Variants in DGKG observed in about 807,000 individuals in gnomAD.
DGKG encodes the protein diacylglycerol kinase gamma, also known as DAG kinase gamma.
A neutral mutation model predicts 105.3 loss-of-function variants in DGKG; 78 were observed. That is an observed-to-expected ratio of 0.74 (90% CI 0.62 to 0.89). The LOEUF is 0.89. DGKG is among the 40% of genes least tolerant of loss of function. The pLI, the probability that DGKG is intolerant of heterozygous loss-of-function variation, is 0.00. For synonymous variants in DGKG, 346 were observed against 367.1 expected, an observed-to-expected ratio of 0.94 and a Z score of 0.66; for missense variants, 958 against 1,020.1, an observed-to-expected ratio of 0.94 and a Z score of 0.83.
At chr3:186,167,983 G>T (rs753044029) in intron 22 of DGKG, among the ~76,000 whole-genome samples, 4 of 152,198 alleles carry the variant, frequency 2.6e-5, no homozygotes, top group Non-Finnish European at 5.9e-5. Flanking sequence ...CTGGGGCAAA[G>T]TACAGAAGGC....
intron 3 of DGKG, among the ~76,000 whole-genome samples, chr3:186,304,336 C>T (rs1467491477): frequency 6.6e-6 from 1 of 152,194 alleles, no homozygotes; most frequent in Non-Finnish European, 1.5e-5. Context: ...TGAAATGGTG[C>T]ATTCTCAGTC....
chr3:186,250,450 C>G (rs1721156092), intron 19 of DGKG, among the ~76,000 whole-genome samples: 1 of 151,896 alleles, frequency 6.6e-6, no homozygotes, highest in Non-Finnish European at 1.5e-5. Context: ...CATAACAGAC[C>G]TGCACATCCT....
intron 13 of DGKG, among the ~76,000 whole-genome samples, chr3:186,266,128 G>A (rs1183095216): frequency 6.6e-6 from 1 of 152,114 alleles, no homozygotes; most frequent in African/African-American, 2.4e-5. Context: ...TGTATATGGG[G>A]ATGGCCTCGT....
rs114502163 is a variant in DGKG at position 186,289,892 on chromosome 3, T to C, written c.374-1012A>G. On this transcript the variant is annotated intron_variant, in intron 5 of 24. Coordinates refer to ENST00000265022, the MANE Select transcript of DGKG (RefSeq NM_001346.3). ...TTCGGAGAAACAAATAACCAAGCAA[T>C]GGGAGTGAATATTCCATTTTAGGCA... is the stretch of plus-strand genomic sequence containing the variant. 5.7e-3 allele frequency among the ~76,000 whole-genome samples: 863 copies of C among 152,260 alleles called. 9 individuals carry two copies. The highest frequency in any genetic ancestry group is 0.02 in the African/African-American group (831 of 41,552).
intron 2 of DGKG, among the ~76,000 whole-genome samples, chr3:186,318,430 T>C (rs1724918689): frequency 6.6e-6 from 1 of 152,238 alleles, no homozygotes; most frequent in African/African-American, 2.4e-5. Context: ...CTTTCCTCCA[T>C]GGAGTTTATC....
intron 22 of DGKG, among the ~76,000 whole-genome samples, chr3:186,166,746 G>C (rs556382757): frequency 1.3e-5 from 2 of 151,920 alleles, no homozygotes; most frequent in South Asian, 4.2e-4. Context: ...GGGGTTTGAG[G>C]GTTGATGTTG....
intron 21 of DGKG, among the ~76,000 whole-genome samples, chr3:186,196,682 G>T (rs1281506996): frequency 6.6e-6 from 1 of 152,134 alleles, no homozygotes; most frequent in Non-Finnish European, 1.5e-5. Flanking sequence ...ATTGGATAAG[G>T]GCTGAAGCAC....
At position 186,169,437 on chromosome 3, in the gene DGKG, T is replaced by C. The variant is rs76783206; in HGVS notation, c.2096-4419A>G. Reference sequence around the variant, plus strand: ...TGCATTAATGTTATAACAAAAGTCATGTATAAAAACATATCAACTGCTCTT... The same window carrying C: ...TGCATTAATGTTATAACAAAAGTCACGTATAAAAACATATCAACTGCTCTT... On this transcript the variant is annotated intron_variant, in intron 22 of 24. Transcript: ENST00000265022. Among the ~76,000 whole-genome samples, 1,361 of 152,352 alleles carry C rather than the reference T, an allele frequency of 8.9e-3. 28 individuals are homozygous for C. The highest frequency in any genetic ancestry group is 0.03 in the African/African-American group (1,245 of 41,580).
chr3:186,313,007 A>G (rs1225650486), intron 2 of DGKG, among the ~76,000 whole-genome samples: 1 of 152,396 alleles, frequency 6.6e-6, no homozygotes, highest in South Asian at 2.1e-4. Context: ...AGAAAGATCT[A>G]TTGAATAAAT....
intron 22 of DGKG, 34 bp from the exon 23 acceptor site, chr3:186,165,052 C>G: frequency 6.3e-7 from 1 of 1,597,982 alleles, no homozygotes; most frequent in East Asian, 2.2e-5. Context: ...AGTGCATACA[C>G]ATCTCTGTGT....
intron 20 of DGKG, among the ~76,000 whole-genome samples, chr3:186,213,076 T>C (rs1719110526): frequency 6.6e-6 from 1 of 152,232 alleles, no homozygotes; most frequent in Middle Eastern, 3.2e-3. Context: ...TGAAACTGTG[T>C]TCTTCCATTG....
Position 186,272,263 on chromosome 3 carries a change from T to C in DGKG, c.991A>G (p.Ser331Gly). Residue 331 changes from serine (S) to glycine (G), a missense_variant, in exon 11 of 25, where the codon AGT becomes GGT. This residue lies in a region of DGKG where 643 missense variants were observed against 619.5 expected (regional missense o/e 1.04). Transcript: ENST00000265022. ...CAGTAGATGTCACCAACCTCACCACTCCTTTTGGCTTTTGAGTACGTTTTG... is the reference window on the plus strand; with the variant it reads ...CAGTAGATGTCACCAACCTCACCACCCCTTTTGGCTTTTGAGTACGTTTTG... ...CVKTYSKAKRSGEVMQHAWVE... is the reference protein window; with the variant it reads ...CVKTYSKAKRGGEVMQHAWVE... 6.2e-7 allele frequency: 1 copy of C among 1,613,282 alleles called. No individual in the cohort carries two copies. The highest frequency in any genetic ancestry group is 8.5e-7 in the Non-Finnish European group (1 of 1,179,258).
intron 24 of DGKG, chr3:186,160,665 C>T (rs1192199549): frequency 3.0e-6 from 3 of 985,320 alleles, no homozygotes; most frequent in Middle Eastern, 5.2e-4. Context: ...GAATACTCCA[C>T]TAGAGTGAGG....
chr3:186,317,529 C>T (rs955975031), intron 2 of DGKG, among the ~76,000 whole-genome samples: 1 of 152,210 alleles, frequency 6.6e-6, no homozygotes. Context: ...CCACCACCAA[C>T]ACATGCTCTG....
At position 186,173,835 on chromosome 3, in the gene DGKG, C is replaced by T. The variant is rs529242872; in HGVS notation, c.2096-8817G>A. On this transcript the variant is annotated intron_variant, in intron 22 of 24. Transcript: ENST00000265022. ...GGGACTGGGGTTCCCCAGGAACAAA[C>T]GAGTAAAGAAGGAAAGCTCTAACTG... Among the ~76,000 whole-genome samples the T allele has an allele frequency of 5.9e-5, 9 of 152,362 alleles. No individual in the cohort carries two copies. In the South Asian group the frequency reaches 1.0e-3, roughly 18 times the overall value.
At chr3:186,258,106 G>T (rs1345474060) in intron 16 of DGKG, among the ~76,000 whole-genome samples, 167 bp from the exon 17 acceptor site, 1 of 152,184 alleles carries the variant, frequency 6.6e-6, no homozygotes, top group Non-Finnish European at 1.5e-5. Context: ...TTACTATGCA[G>T]TGCCTTGAAT....
At position 186,268,853 on chromosome 3, in the gene DGKG, ATACTTTT is replaced by A. The variant is rs1347354558; in HGVS notation, c.1057_1063del (p.Lys353SerfsTer17). The stretch of plus-strand genomic sequence containing the variant: ...CGCGGTGACACTCTGGTAGCACTTG[ATACTTTT>A]GTGGCACCGGTCACACTTGACGGAG... On this transcript the variant is annotated frameshift_variant, in exon 12 of 25. Transcript: ENST00000265022. LOFTEE classifies it high-confidence loss of function. 2.5e-6 allele frequency: 4 copies of A among 1,613,940 alleles called. No individual in the cohort carries two copies. In the African/African-American group the frequency reaches 5.3e-5, roughly 22 times the overall value.
intron 2 of DGKG, among the ~76,000 whole-genome samples, chr3:186,313,904 C>T (rs1428312702): frequency 1.3e-5 from 2 of 151,798 alleles, no homozygotes; most frequent in African/African-American, 2.4e-5. Context: ...AGCATTTGAT[C>T]AAGTCTCACT....
At chr3:186,194,803 T>TAAAAAAA (rs57878064) in intron 21 of DGKG, among the ~76,000 whole-genome samples, 1,767 of 105,306 alleles carry the variant, frequency 0.017, 79 homozygotes, top group Non-Finnish European at 0.025. Flanking sequence ...GGTCTTTCTT[T>TAAAAAAA]AAAAAAAAAA....
Sources: allele counts gnomAD v4.1 joint callset (sites outside exome capture counted in the v4.1 genomes callset), GRCh38; gene constraint gnomAD v4.1.1; regional missense constraint gnomAD v4.1.1; transcripts MANE v1.5; gene names NCBI Gene and HGNC (gene_info 2026-07-23, HGNC 2026-07-21).